SHISA6: variants seen among roughly 807,000 people sequenced by gnomAD.
The protein encoded by SHISA6 is shisa family member 6, also known as protein shisa-6.
SHISA6 carries 22 observed loss-of-function variants against 47.9 expected under a neutral mutation model. That is an observed-to-expected ratio of 0.46 (90% confidence interval 0.33 to 0.66). The LOEUF (loss-of-function observed/expected upper bound fraction) is 0.66, where lower values mean the gene tolerates loss of function less well. SHISA6 is among the 30% of genes least tolerant of loss of function. The pLI, the probability that SHISA6 is intolerant of heterozygous loss-of-function variation, is 0.02. For synonymous variants in SHISA6, 388 were observed against 337.8 expected (o/e 1.15, Z -1.63); for missense variants, 680 against 764.6 (o/e 0.89, Z 1.30).
intron 3 of SHISA6, among the ~76,000 whole-genome samples, chr17:11,433,402 G>T (rs977771825): frequency 6.6e-6 from 1 of 152,138 alleles, no homozygotes; most frequent in African/African-American, 2.4e-5. Flanking sequence ...TCCCTGCAAA[G>T]GACATGAACT....
intron 3 of SHISA6, among the ~76,000 whole-genome samples, chr17:11,498,163 T>C (rs1370367066): frequency 6.6e-6 from 1 of 152,220 alleles, no homozygotes; most frequent in Non-Finnish European, 1.5e-5. Flanking sequence ...GCAGAGGCTC[T>C]CAGGATAAAC....
intron 2 of SHISA6, among the ~76,000 whole-genome samples, chr17:11,343,096 C>T (rs148181344): frequency 2.6e-4 from 40 of 152,296 alleles, no homozygotes; most frequent in African/African-American, 8.7e-4. Context: ...AATTCTCATT[C>T]CAGTTCCTTC....
In SHISA6 at chr17:11,295,086, G is replaced by A. The variant is rs540427827; in HGVS notation, c.799+31560G>A. On this transcript the variant is annotated intron_variant, in intron 2 of 5. Coordinates refer to ENST00000441885, the MANE Select transcript of SHISA6 (RefSeq NM_207386.4). The stretch of plus-strand genomic sequence containing the variant: ...AATACTGGACAAAGAGATGATTCAC[G>A]TCCCGGGTGGGTGGGAGATTTCATC... Among the ~76,000 whole-genome samples, 18 of 152,316 alleles carry A rather than the reference G, an allele frequency of 1.2e-4. No individual in the cohort carries two copies. In the South Asian group the frequency reaches 3.1e-3, roughly 26 times the overall value.
intron 3 of SHISA6, among the ~76,000 whole-genome samples, chr17:11,411,679 G>A (rs1258723989): frequency 6.6e-6 from 1 of 152,180 alleles, no homozygotes; most frequent in African/African-American, 2.4e-5. Flanking sequence ...TTACAGGCAT[G>A]AGCCACCGTG....
At chr17:11,452,214 C>T (rs1332753187) in intron 3 of SHISA6, among the ~76,000 whole-genome samples, 1 of 152,202 alleles carries the variant, frequency 6.6e-6, no homozygotes, top group Non-Finnish European at 1.5e-5. Context: ...GATATCGGTG[C>T]ATAGCACTGT....
chr17:11,558,495 T>G lies in SHISA6; in HGVS notation c.*191T>G. 1.6e-6 allele frequency: 1 copy of G among 627,482 alleles called. No individual in the cohort carries two copies. The highest frequency in any genetic ancestry group is 2.0e-5 in the South Asian group (1 of 50,962). The allele number at this position is 627,482 out of a possible 1,614,324, so 38.9% of individuals were successfully genotyped here. On this transcript the variant is annotated 3_prime_UTR_variant, in exon 6 of 6. Transcript: ENST00000441885. ...CCCCGATGGCCTGGTCCAATACACT[T>G]AGACCCAGGACCAAGAGCAATCGCT...
intron 2 of SHISA6, among the ~76,000 whole-genome samples, chr17:11,360,142 A>G (rs1174158613): frequency 6.6e-6 from 1 of 152,232 alleles, no homozygotes; most frequent in African/African-American, 2.4e-5. Context: ...CAGCCACAAA[A>G]AGGATGAGTT....
At chr17:11,256,701 G>A (rs1908020931) in intron 1 of SHISA6, among the ~76,000 whole-genome samples, 1 of 152,114 alleles carries the variant, frequency 6.6e-6, no homozygotes, top group African/African-American at 2.4e-5. Flanking sequence ...CGTTTTCAAC[G>A]AATTCTCAGA....
At chr17:11,491,696 G>A (rs1213487956) in intron 3 of SHISA6, among the ~76,000 whole-genome samples, 1 of 151,866 alleles carries the variant, frequency 6.6e-6, no homozygotes, top group Non-Finnish European at 1.5e-5. Flanking sequence ...ATATGCATAG[G>A]GACTTAAATA....
chr17:11,389,799 C>A (rs1913327776), intron 3 of SHISA6, among the ~76,000 whole-genome samples: 1 of 152,192 alleles, frequency 6.6e-6, no homozygotes, highest in South Asian at 2.1e-4. Flanking sequence ...TTGGGAATCT[C>A]CCCTTCTTAT....
intron 3 of SHISA6, among the ~76,000 whole-genome samples, chr17:11,524,125 T>A (rs1435243502): frequency 6.6e-6 from 1 of 151,952 alleles, no homozygotes; most frequent in African/African-American, 2.4e-5. Context: ...ATAATACACA[T>A]ACTTTTCAGC....
intron 3 of SHISA6, among the ~76,000 whole-genome samples, chr17:11,492,987 T>C (rs1298445468): frequency 6.6e-6 from 1 of 152,164 alleles, no homozygotes; most frequent in African/African-American, 2.4e-5. Context: ...AACTTGGAGA[T>C]TGGCCATTTG....
At chr17:11,377,464 G>A (rs974257600) in intron 2 of SHISA6, among the ~76,000 whole-genome samples, 3 of 152,248 alleles carry the variant, frequency 2.0e-5, no homozygotes, top group African/African-American at 2.4e-5. Flanking sequence ...CCAAAACAGC[G>A]GCATCCGCAT....
intron 3 of SHISA6, among the ~76,000 whole-genome samples, chr17:11,468,603 GT>G (rs1567613828): frequency 6.6e-6 from 1 of 152,160 alleles, no homozygotes; most frequent in Non-Finnish European, 1.5e-5. Context: ...ACAAGGGCTA[GT>G]CCAAGCCCGA....
chr17:11,318,620 G>A (rs951676562), intron 2 of SHISA6, among the ~76,000 whole-genome samples: 1 of 152,194 alleles, frequency 6.6e-6, no homozygotes, highest in Admixed American at 6.5e-5. Context: ...TTTTATGTAT[G>A]TACGTATGTG....
chr17:11,465,763 T>C (rs146818812), intron 3 of SHISA6, among the ~76,000 whole-genome samples: 1 of 152,304 alleles, frequency 6.6e-6, no homozygotes, highest in East Asian at 1.9e-4. Flanking sequence ...GCTTCATACA[T>C]GGTCACTTTG....
intron 3 of SHISA6, among the ~76,000 whole-genome samples, chr17:11,405,975 A>T (rs1163164187): frequency 6.6e-6 from 1 of 152,194 alleles, no homozygotes; most frequent in African/African-American, 2.4e-5. Context: ...TTTTCCAGAC[A>T]GCTAGACAGT....
chr17:11,537,460 G>A (rs911525913), intron 3 of SHISA6, among the ~76,000 whole-genome samples: 1 of 152,112 alleles, frequency 6.6e-6, no homozygotes. Flanking sequence ...GAATGAATTA[G>A]AATGATAACT....
intron 2 of SHISA6, among the ~76,000 whole-genome samples, chr17:11,286,011 T>A (rs137965767): frequency 7.7e-4 from 117 of 152,180 alleles, no homozygotes; most frequent in African/African-American, 2.6e-3. Flanking sequence ...TAATATTTTG[T>A]ATTTTTAGTA....
Sources: allele counts gnomAD v4.1 joint callset (sites outside exome capture counted in the v4.1 genomes callset), GRCh38; gene constraint gnomAD v4.1.1; transcripts MANE v1.5; gene names NCBI Gene and HGNC (gene_info 2026-07-23, HGNC 2026-07-21).